RNF11: variants seen among roughly 807,000 people sequenced by gnomAD.
RNF11 encodes the protein ring finger protein 11.
A neutral mutation model predicts 15.8 loss-of-function variants in RNF11; 4 were observed. That is an observed-to-expected ratio of 0.25 (90% CI 0.12 to 0.58). The LOEUF (loss-of-function observed/expected upper bound fraction) is 0.58. Among genes scored for constraint, RNF11 ranks in the 20% least tolerant of loss-of-function variants. The pLI, the probability that RNF11 is intolerant of heterozygous loss-of-function variation, is 0.91. For synonymous variants in RNF11, 68 were observed against 72.3 expected, an observed-to-expected ratio of 0.94 and a Z score of 0.30; for missense variants, 139 against 194.4, an observed-to-expected ratio of 0.71 and a Z score of 1.70.
In RNF11 at chr1:51,240,979, A is replaced by G. The variant is rs184038599; in HGVS notation, c.123+4100A>G. Among the ~76,000 whole-genome samples, 526 of 151,658 alleles carry G rather than the reference A, an allele frequency of 3.5e-3. 3 individuals carry two copies. The highest frequency in any genetic ancestry group is 0.013 in the South Asian group (63 of 4,788). On this transcript the variant is annotated intron_variant, in intron 1 of 2. Coordinates refer to ENST00000242719, the MANE Select transcript of RNF11 (RefSeq NM_014372.5). ...CTACAGGCATGCGCCACCAAGGCCA[A>G]CTGATTTTTGTACTTTTGGTAGAGA...
chr1:51,240,273 C>G (rs530770296), intron 1 of RNF11, among the ~76,000 whole-genome samples: 1 of 152,328 alleles, frequency 6.6e-6, no homozygotes, highest in East Asian at 1.9e-4. Context: ...GTCCTCATTG[C>G]TATTCTAGGA....
At position 51,272,692 on chromosome 1, in the gene RNF11, A is replaced by C. The variant is rs1646985212; in HGVS notation, c.*1370A>C. ...TTTCATATGTACTCAAAGGTGACTT[A>C]TTGGTTCACCTCAGTGATATTACAG... On this transcript the variant is annotated 3_prime_UTR_variant, in exon 3 of 3. Coordinates refer to ENST00000242719, the MANE Select transcript of RNF11 (RefSeq NM_014372.5). The C allele has an allele frequency of 6.6e-6, 1 of 152,156 alleles. No homozygotes were observed. Among genetic ancestry groups the C allele is most frequent in the African/African-American group, 2.4e-5 (1 of 41,454 alleles). 9.4% of individuals were successfully genotyped at this position (152,156 alleles called of 1,614,324 possible). A position where few individuals can be genotyped will look rare whatever the true frequency, so the allele number is the denominator to read the frequency against.
intron 1 of RNF11, among the ~76,000 whole-genome samples, chr1:51,251,771 T>C (rs1646879242): frequency 6.6e-6 from 1 of 151,800 alleles, no homozygotes; most frequent in Non-Finnish European, 1.5e-5. Flanking sequence ...ACCTCATCTT[T>C]ACAAAAAATC....
chr1:51,243,409 T>C (rs1646838950), intron 1 of RNF11, among the ~76,000 whole-genome samples: 1 of 152,070 alleles, frequency 6.6e-6, no homozygotes, highest in South Asian at 2.1e-4. Context: ...TCAGATCACT[T>C]GCCTCATAAT....
chr1:51,238,742 T>TA (rs1347295664), intron 1 of RNF11, among the ~76,000 whole-genome samples: 7 of 151,872 alleles, frequency 4.6e-5, no homozygotes, highest in African/African-American at 1.7e-4. Context: ...TTTTTTTTTT[T>TA]AATGAGATGG....
chr1:51,254,620 T>A (rs1030920321), intron 1 of RNF11, among the ~76,000 whole-genome samples: 3 of 152,028 alleles, frequency 2.0e-5, no homozygotes, highest in Admixed American at 1.3e-4. Flanking sequence ...GTGCCACCAC[T>A]CCCTGCTAAT....
intron 1 of RNF11, among the ~76,000 whole-genome samples, chr1:51,254,438 C>T (rs1006440637): frequency 1.3e-5 from 2 of 151,940 alleles, no homozygotes; most frequent in Non-Finnish European, 2.9e-5. Flanking sequence ...GTGTATGCCA[C>T]CATGCTTGGC....
At chr1:51,253,491 C>T (rs1051364813) in intron 1 of RNF11, among the ~76,000 whole-genome samples, 3 of 150,284 alleles carry the variant, frequency 2.0e-5, no homozygotes, top group African/African-American at 4.9e-5. Flanking sequence ...CCACTACACT[C>T]CAGCCTGGGC....
chr1:51,247,762 G>A (rs1229890939), intron 1 of RNF11, among the ~76,000 whole-genome samples: 1 of 152,156 alleles, frequency 6.6e-6, no homozygotes, highest in Admixed American at 6.5e-5. Context: ...TGCCAGCCTA[G>A]AGTGTACTCC....
chr1:51,269,821 C>A, intron 1 of RNF11, 135 bp from the exon 2 acceptor site: 1 of 683,310 alleles, frequency 1.5e-6, no homozygotes, highest in Admixed American at 2.8e-5. Flanking sequence ...GGGTGAAACA[C>A]AGTCATACAG....
chr1:51,271,348 G>A lies in RNF11; in HGVS notation c.*26G>A. On this transcript the variant is annotated 3_prime_UTR_variant, in exon 3 of 3. Coordinates refer to ENST00000242719, the MANE Select transcript of RNF11 (RefSeq NM_014372.5). ...GCCAGGGTCTCTTATCTGACTTCAA[G>A]TGAACCACCATTTTGGTGGTTTTGA... is the stretch of plus-strand genomic sequence containing the variant. The A allele has an allele frequency of 6.3e-7, 1 of 1,581,218 alleles. No homozygotes were observed. The highest frequency in any genetic ancestry group is 8.6e-7 in the Non-Finnish European group (1 of 1,157,294).
chr1:51,251,401 C>T (rs1390498397), intron 1 of RNF11: 31 of 1,365,108 alleles, frequency 2.3e-5, no homozygotes, highest in South Asian at 9.9e-5. Context: ...CCGAAACCTC[C>T]GCGGAAGCCA....
At chr1:51,252,081 C>CAAAAAAAAAAAAAAAAAAAAA (rs928146865) in intron 1 of RNF11, among the ~76,000 whole-genome samples, 16 of 53,580 alleles carry the variant, frequency 3.0e-4, no homozygotes, top group East Asian at 6.3e-4. Flanking sequence ...CATCTCAAAG[C>CAAAAAAAAAAAAAAAAAAAAA]AAAAAAAAAA....
chr1:51,242,664 C>T (rs1184450471), intron 1 of RNF11, among the ~76,000 whole-genome samples: 1 of 151,982 alleles, frequency 6.6e-6, no homozygotes, highest in Non-Finnish European at 1.5e-5. Context: ...TGGAGTCTCA[C>T]TTTGCCCAGG....
chr1:51,261,411 C>G (rs778570519), intron 1 of RNF11, among the ~76,000 whole-genome samples: 3 of 152,078 alleles, frequency 2.0e-5, no homozygotes, highest in Non-Finnish European at 2.9e-5. Context: ...CTGCCAGAAA[C>G]CACAAAGCCT....
At chr1:51,269,165 T>C (rs1421672209) in intron 1 of RNF11, among the ~76,000 whole-genome samples, 6 of 152,226 alleles carry the variant, frequency 3.9e-5, no homozygotes, top group Non-Finnish European at 8.8e-5. Context: ...CTGTTGATTC[T>C]GAGGATTCTG....
chr1:51,262,173 G>A lies in RNF11; in HGVS notation c.124-7783G>A, dbSNP rs145504329. Among the ~76,000 whole-genome samples, 554 of 151,662 alleles carry A rather than the reference G, an allele frequency of 3.7e-3. 2 individuals carry two copies. Among genetic ancestry groups the A allele is most frequent in the African/African-American group, 0.013 (524 of 41,384 alleles). On this transcript the variant is annotated intron_variant, in intron 1 of 2. Coordinates refer to ENST00000242719, the MANE Select transcript of RNF11 (RefSeq NM_014372.5). ...TCCTGGCTAATTTTTGTAGGGATGG[G>A]GTTTCGCCATGTTGCCCAGGCTGGG...
At chr1:51,239,153 C>T (rs891407900) in intron 1 of RNF11, among the ~76,000 whole-genome samples, 2 of 152,150 alleles carry the variant, frequency 1.3e-5, no homozygotes, top group Non-Finnish European at 2.9e-5. Flanking sequence ...CAAGCAAATT[C>T]TCCTGCCTCC....
chr1:51,236,904 G>T (rs766357794), intron 1 of RNF11, 25 bp downstream of exon 1: 3 of 1,594,526 alleles, frequency 1.9e-6, no homozygotes, highest in Non-Finnish European at 1.7e-6. Flanking sequence ...GTGTTGGGGG[G>T]AGCGAGTAGA....
Sources: allele counts gnomAD v4.1 joint callset (sites outside exome capture counted in the v4.1 genomes callset), GRCh38; gene constraint gnomAD v4.1.1; transcripts MANE v1.5; gene names NCBI Gene and HGNC (gene_info 2026-07-23, HGNC 2026-07-21).